Variants in NIBAN2 observed in about 807,000 individuals in gnomAD.
The protein encoded by NIBAN2 is protein Niban 2.
Under a neutral mutation model 81.8 loss-of-function variants are expected in NIBAN2, and 36 were observed. The ratio of observed to expected loss-of-function variants is 0.44; its 90% confidence interval spans 0.34 to 0.58. The LOEUF (loss-of-function observed/expected upper bound fraction) is 0.58. NIBAN2 is among the 20% of genes least tolerant of loss of function. The pLI, the probability that NIBAN2 is intolerant of heterozygous loss-of-function variation, is 0.02. For missense variants in NIBAN2, 897 were observed against 1,014.1 expected (o/e 0.88, Z 1.57); for synonymous variants, 445 against 441.6 (o/e 1.01, Z -0.10).
intron 1 of NIBAN2, among the ~76,000 whole-genome samples, chr9:127,558,349 C>T (rs1052216678): frequency 5.3e-5 from 8 of 152,266 alleles, no homozygotes; most frequent in Non-Finnish European, 7.4e-5. Context: ...GGTGGGAGTA[C>T]GAAGTCGGAG....
chr9:127,518,875 A>C (rs1836882143), intron 5 of NIBAN2, among the ~76,000 whole-genome samples: 1 of 152,184 alleles, frequency 6.6e-6, no homozygotes, highest in South Asian at 2.1e-4. Context: ...TGCTTGAATA[A>C]CTTTGTTAAA....
intron 2 of NIBAN2, among the ~76,000 whole-genome samples, chr9:127,529,137 C>A (rs1213964086): frequency 6.6e-6 from 1 of 152,198 alleles, no homozygotes; most frequent in Admixed American, 6.5e-5. Context: ...TTAGACTCTG[C>A]GAAGCTCTCC....
intron 1 of NIBAN2, among the ~76,000 whole-genome samples, chr9:127,556,850 A>T (rs939803484): frequency 6.6e-6 from 1 of 152,164 alleles, no homozygotes; most frequent in Non-Finnish European, 1.5e-5. Flanking sequence ...GCCAGGCAGG[A>T]GGATGGCTTA....
chr9:127,569,068 C>T lies in NIBAN2; in HGVS notation c.-194G>A, dbSNP rs1351327275. ...GTCGGGCCCCGTCCCTCCAGCCGGC[C>T]GCCTTGGCCCCCTCCCTGCCCTCGG... is the stretch of plus-strand genomic sequence containing the variant. On this transcript the variant is annotated 5_prime_UTR_variant, in exon 1 of 14. Transcript: ENST00000373312. The T allele has an allele frequency of 1.9e-6, 2 of 1,073,110 alleles. No homozygotes were observed. The highest frequency in any genetic ancestry group is 2.3e-6 in the Non-Finnish European group (2 of 888,220). The allele number at this position is 1,073,110 out of a possible 1,614,324, so 66.5% of individuals were successfully genotyped here. A position where few individuals can be genotyped will look rare whatever the true frequency, so the allele number is the denominator to read the frequency against.
upstream of NIBAN2, among the ~76,000 whole-genome samples, chr9:127,570,085 C>G (rs1430283882): frequency 6.6e-6 from 1 of 152,164 alleles, no homozygotes; most frequent in Non-Finnish European, 1.5e-5. Flanking sequence ...TGCACTGGGA[C>G]AAGGCCATCC....
rs398046914 is a variant in NIBAN2 at position 127,519,174 on chromosome 9, C to CAA, written c.590-1235_590-1234dup. 1.4e-3 allele frequency among the ~76,000 whole-genome samples: 55 copies of CAA among 39,296 alleles called. 1 individual carries two copies. The highest frequency in any genetic ancestry group is 9.4e-3 in the East Asian group (8 of 850). The allele number at this position is 39,296 out of a possible 152,430, so 25.8% of individuals were successfully genotyped here. A position where few individuals can be genotyped will look rare whatever the true frequency, so the allele number is the denominator to read the frequency against. ...TGGGCAACAGAGTAAGACTCTGTCTCAAAAAAAAAAAAAAAAAAAAAAAAA... is the reference window on the plus strand; with the variant it reads ...TGGGCAACAGAGTAAGACTCTGTCTCAAAAAAAAAAAAAAAAAAAAAAAAAAA... On this transcript the variant is annotated intron_variant, in intron 5 of 13. Transcript: ENST00000373312.
chr9:127,565,109 T>A (rs1399477449), intron 1 of NIBAN2, among the ~76,000 whole-genome samples: 1 of 152,094 alleles, frequency 6.6e-6, no homozygotes, highest in Non-Finnish European at 1.5e-5. Flanking sequence ...CACAGGCGCA[T>A]ACGACAATGC....
rs1190742477 is a variant in NIBAN2 at position 127,508,532 on chromosome 9, C to T, written c.1324G>A (p.Asp442Asn). ...RAQIHMREQMDNAVYTFETLL... is the reference protein window; with the variant it reads ...RAQIHMREQMNNAVYTFETLL... The stretch of plus-strand genomic sequence containing the variant: ...GTCTCGAACGTATACACGGCATTGT[C>T]CATTTGCTGCAGGGCATACCGCGGA... Residue 442 changes from aspartate to asparagine, a missense_variant, in exon 11 of 14, where the codon GAC (aspartate) becomes AAC (asparagine). Asp to Asn is a conservative substitution (Grantham distance 23). Transcript: ENST00000373312. The surrounding 1 kb of genome is among the most constrained non-coding windows in gnomAD (Gnocchi z 6.4). 1.2e-6 allele frequency: 2 copies of T among 1,613,258 alleles called. No homozygotes were observed. The highest frequency in any genetic ancestry group is 4.5e-5 in the East Asian group (2 of 44,872).
intron 1 of NIBAN2, among the ~76,000 whole-genome samples, chr9:127,539,341 C>G (rs1460940370): frequency 6.6e-6 from 1 of 152,174 alleles, no homozygotes; most frequent in East Asian, 1.9e-4. Flanking sequence ...GTTTTCCACT[C>G]TCTTGCTGGG....
At chr9:127,523,573 T>C in intron 5 of NIBAN2, 106 bp downstream of exon 5, 9 of 1,118,926 alleles carry the variant, frequency 8.0e-6, no homozygotes, top group South Asian at 1.5e-5. Flanking sequence ...GAACAGCCTG[T>C]AGAGCAGGGT....
rs370175062 is a variant in NIBAN2, at chr9:127,536,160, C to T, written c.56-4382G>A. Reference sequence around the variant, plus strand: ...TCAGCCAGCATGGAAGGAACCGCCACGTGCTTTGTACAGAGGAAGTAACCC... The same window carrying T: ...TCAGCCAGCATGGAAGGAACCGCCATGTGCTTTGTACAGAGGAAGTAACCC... On this transcript the variant is annotated intron_variant, in intron 1 of 13. Transcript: ENST00000373312. This position sits in a 1 kb window ranked among gnomAD's most constrained non-coding sequence, Gnocchi z 4.0. 3.9e-5 allele frequency among the ~76,000 whole-genome samples: 6 copies of T among 152,182 alleles called. No individual in the cohort carries two copies. The highest frequency in any genetic ancestry group is 4.8e-5 in the African/African-American group (2 of 41,430).
rs527792182 is a variant in NIBAN2, at chr9:127,527,195, G to A, written c.314C>T (p.Ala105Val). 54 of 1,613,182 alleles carry A rather than the reference G, an allele frequency of 3.3e-5. No homozygotes were observed. The highest frequency in any genetic ancestry group is 2.0e-4 in the East Asian group (9 of 44,850). Reference sequence around the variant, plus strand: ...GTGGCGCCCGGGGCCAGGCCTCACCGCTTTGTTTTCGTAGAGCACCAGCCC... The same window carrying A: ...GTGGCGCCCGGGGCCAGGCCTCACCACTTTGTTTTCGTAGAGCACCAGCCC... ...NYGLVLYENK[A>V]AYERQVPPRA... Residue 105 changes from alanine to valine, a missense_variant and splice_region_variant, in exon 3 of 14, where the codon GCG becomes GTG. By Grantham distance (64) the Ala-to-Val change is moderately conservative. Coordinates refer to ENST00000373312, the MANE Select transcript of NIBAN2 (RefSeq NM_022833.4).
intron 1 of NIBAN2, among the ~76,000 whole-genome samples, chr9:127,564,292 CAA>C (rs60378955): frequency 5.2e-4 from 53 of 102,608 alleles, no homozygotes; most frequent in Non-Finnish European, 6.6e-4. Flanking sequence ...GACTCTGTAT[CAA>C]AAAAAAAAAA....
At chr9:127,573,891 C>G (rs769404799), upstream of NIBAN2, among the ~76,000 whole-genome samples, 1 of 152,192 alleles carries the variant, frequency 6.6e-6, no homozygotes, top group Non-Finnish European at 1.5e-5. Flanking sequence ...CTCCTGACCA[C>G]AAGTGATCTG....
chr9:127,533,160 A>C (rs1052634211), intron 1 of NIBAN2, among the ~76,000 whole-genome samples: 1 of 152,060 alleles, frequency 6.6e-6, no homozygotes, highest in Admixed American at 6.5e-5. Context: ...TCTATCTTAA[A>C]AAAACAAAAC....
chr9:127,578,806 A>G (rs1019774233), intron 1 of NIBAN2: 14 of 962,236 alleles, frequency 1.5e-5, no homozygotes, highest in African/African-American at 6.6e-5. Context: ...GCATTGAGCT[A>G]TGATCATTCC....
At chr9:127,573,004 C>T (rs184902885), upstream of NIBAN2, among the ~76,000 whole-genome samples, 10 of 152,200 alleles carry the variant, frequency 6.6e-5, no homozygotes, top group Admixed American at 1.3e-4. Flanking sequence ...GTGATCTCGC[C>T]GCTACACTCC....
chr9:127,565,946 T>TCTCTCTCACACACACACA (rs751937125), intron 1 of NIBAN2, among the ~76,000 whole-genome samples: 23 of 130,618 alleles, frequency 1.8e-4, no homozygotes, highest in African/African-American at 6.4e-4. Flanking sequence ...TCTCTCTCTC[T>TCTCTCTCACACACACACA]CACACACACA....
At chr9:127,557,797 C>A (rs765628257) in intron 1 of NIBAN2, among the ~76,000 whole-genome samples, 1 of 152,224 alleles carries the variant, frequency 6.6e-6, no homozygotes, top group African/African-American at 2.4e-5. Context: ...TCCCAGTTGG[C>A]CTCGGGTCAG....
Sources: gnomAD v4.1 joint callset for allele counts (sites outside exome capture counted in the v4.1 genomes callset) on GRCh38, gnomAD v4.1.1 for gene constraint, Gnocchi (gnomAD v3.1) non-coding constraint, MANE v1.5 for transcripts, NCBI Gene and HGNC (gene_info 2026-07-23, HGNC 2026-07-21) for gene names.